The following BANP variants were observed in gnomAD, a reference collection of about 807,000 sequenced individuals.
BANP encodes the protein BTG3 associated nuclear protein, also known as protein BANP.
BANP carries 11 observed loss-of-function variants against 68.1 expected under a neutral mutation model. The ratio of observed to expected loss-of-function variants is 0.16; its 90% CI spans 0.10 to 0.27. The LOEUF (loss-of-function observed/expected upper bound fraction) is 0.27, where lower values mean the gene tolerates loss of function less well. Among genes scored for constraint, BANP ranks in the 10% least tolerant of loss-of-function variants. BANP has a pLI of 1.00. For missense variants in BANP, 504 were observed against 722.7 expected, an observed-to-expected ratio of 0.70 and a Z score of 3.47; for synonymous variants, 329 against 303.2, an observed-to-expected ratio of 1.09 and a Z score of -0.88.
chr16:87,977,630 T>C (rs2062428282), intron 2 of BANP, among the ~76,000 whole-genome samples: 1 of 152,298 alleles, frequency 6.6e-6, no homozygotes, highest in Non-Finnish European at 1.5e-5. Flanking sequence ...GTAGAAGAAA[T>C]AAAAATTTCC....
rs1158952947 is a variant in BANP at position 88,057,640 on chromosome 16, A to G, written c.1312-7627A>G. Among the ~76,000 whole-genome samples, 4 of 150,640 alleles carry G rather than the reference A, an allele frequency of 2.7e-5. No individual in the cohort carries two copies. Among genetic ancestry groups the G allele is most frequent in the Non-Finnish European group, 4.4e-5 (3 of 67,768 alleles). The stretch of plus-strand genomic sequence containing the variant: ...TGGAAGAATGTTCTTCACACCCTTC[A>G]TGTTGGCAATGTTTGGGTCCTGGTT... On this transcript the variant is annotated intron_variant, in intron 11 of 13. Transcript: ENST00000682872. This position sits in a 1 kb window ranked among gnomAD's most constrained non-coding sequence, Gnocchi z 4.6.
At chr16:88,005,117 C>T (rs561533401) in intron 5 of BANP, among the ~76,000 whole-genome samples, 1 of 152,322 alleles carries the variant, frequency 6.6e-6, no homozygotes, top group South Asian at 2.1e-4. Context: ...ATTGTCTTAG[C>T]TCAGTTCTCC....
At chr16:88,024,935 C>A (rs1271557965) in intron 7 of BANP, among the ~76,000 whole-genome samples, 1 of 152,166 alleles carries the variant, frequency 6.6e-6, no homozygotes, top group Non-Finnish European at 1.5e-5. Flanking sequence ...TACCTATACA[C>A]CTGGGTGTTT....
At chr16:88,051,862 T>G (rs2083336997) in intron 11 of BANP, among the ~76,000 whole-genome samples, 1 of 152,224 alleles carries the variant, frequency 6.6e-6, no homozygotes, top group East Asian at 1.9e-4. Context: ...ATTTAAAAAA[T>G]CCAGATTTAT....
intron 4 of BANP, among the ~76,000 whole-genome samples, chr16:87,999,379 T>C (rs1349210455): frequency 7.4e-6 from 1 of 134,650 alleles, no homozygotes; most frequent in African/African-American, 2.8e-5. Flanking sequence ...CACGTCTCCA[T>C]GCACGCACGT....
At chr16:88,040,116 C>A (rs117554332) in intron 11 of BANP, among the ~76,000 whole-genome samples, 1 of 152,106 alleles carries the variant, frequency 6.6e-6, no homozygotes, top group East Asian at 1.9e-4. Flanking sequence ...GGGTAGCGGG[C>A]GGAATCTTGG....
intron 13 of BANP, among the ~76,000 whole-genome samples, chr16:88,074,961 T>C (rs1396863239): frequency 2.0e-5 from 3 of 152,158 alleles, no homozygotes; most frequent in African/African-American, 4.8e-5. Context: ...CCCAGTGCTT[T>C]GTGAGGCCGA....
chr16:87,969,113 T>C (rs947180523), intron 1 of BANP, among the ~76,000 whole-genome samples: 2 of 152,202 alleles, frequency 1.3e-5, no homozygotes, highest in African/African-American at 4.8e-5. Flanking sequence ...TCCTGCACCT[T>C]GGGAGCCGCT....
intron 1 of BANP, among the ~76,000 whole-genome samples, chr16:87,953,731 T>G (rs1018390038): frequency 1.3e-5 from 2 of 152,222 alleles, no homozygotes; most frequent in Non-Finnish European, 2.9e-5. Context: ...CTCCTTACAT[T>G]GTTTTAAATT....
In BANP at chr16:88,057,138, G is replaced by C. The variant is rs186182607; in HGVS notation, c.1312-8129G>C. 3.9e-3 allele frequency among the ~76,000 whole-genome samples: 599 copies of C among 152,286 alleles called. 3 individuals are homozygous for C. Among genetic ancestry groups the C allele is most frequent in the African/African-American group, 0.013 (554 of 41,550 alleles). ...CTGAGACTTTTCTGTTGCCGTTGTT[G>C]AGCTGTGTCTGCCTTTTCTGGTGGG... On this transcript the variant is annotated intron_variant, in intron 11 of 13. Coordinates refer to ENST00000682872, the MANE Select transcript of BANP (RefSeq NM_001386991.1). This position sits in a 1 kb window ranked among gnomAD's most constrained non-coding sequence, Gnocchi z 4.6.
intron 6 of BANP, among the ~76,000 whole-genome samples, chr16:88,008,227 A>G (rs906637903): frequency 6.6e-6 from 1 of 152,102 alleles, no homozygotes; most frequent in African/African-American, 2.4e-5. Context: ...TCATCAGTTG[A>G]TGGGCATCTG....
intron 7 of BANP, among the ~76,000 whole-genome samples, chr16:88,022,110 G>C (rs2076141524): frequency 6.6e-6 from 1 of 152,196 alleles, no homozygotes; most frequent in Admixed American, 6.5e-5. Context: ...TGCAAAAGTA[G>C]CATATTATTG....
In BANP at chr16:88,033,140, C is replaced by T. The variant is rs368146207; in HGVS notation, c.1095C>T (p.Ser365=). The T allele has an allele frequency of 5.5e-5, 88 of 1,608,512 alleles. 1 individual carries two copies. In the Middle Eastern group the frequency reaches 6.6e-4, roughly 12 times the overall value. The change falls in exon 9 of 14, where the codon AGC becomes AGT. Residue 365 remains serine, a synonymous_variant. Coordinates refer to ENST00000682872, the MANE Select transcript of BANP (RefSeq NM_001386991.1). ...TGATGAGCACCCCACCTCCTGCCAGCGAGCTCCCGCAGCCACAGCCGCAGC... is the reference window on the plus strand; with the variant it reads ...TGATGAGCACCCCACCTCCTGCCAGTGAGCTCCCGCAGCCACAGCCGCAGC... The part of the protein sequence containing the change: ...EPMMSTPPPA[S]ELPQPQPQPQ...
chr16:88,001,566 A>G (rs1217419538), intron 4 of BANP, among the ~76,000 whole-genome samples: 2 of 152,246 alleles, frequency 1.3e-5, no homozygotes, highest in East Asian at 3.8e-4. Context: ...GTTGATTTAA[A>G]TCGCGTTAGT....
chr16:88,012,894 C>CT lies in BANP; in HGVS notation c.656-5534_656-5533insT, dbSNP rs1479394319. 1.2e-3 allele frequency among the ~76,000 whole-genome samples: 187 copies of CT among 152,268 alleles called. 1 individual carries two copies. Among genetic ancestry groups the CT allele is most frequent in the African/African-American group, 4.5e-3 (185 of 41,560 alleles). On this transcript the variant is annotated intron_variant, in intron 6 of 13. Coordinates refer to ENST00000682872, the MANE Select transcript of BANP (RefSeq NM_001386991.1). ...AACTATTCACTGTGGTCTGACAGTA[C>CT]AAATTCCAGGCTGGGATTTTTAAAT... is the stretch of plus-strand genomic sequence containing the variant.
intron 4 of BANP, among the ~76,000 whole-genome samples, chr16:87,997,422 A>G (rs1014111755): frequency 1.3e-5 from 2 of 152,302 alleles, no homozygotes; most frequent in Non-Finnish European, 2.9e-5. Context: ...TCTGTCACCA[A>G]TAAATGGTGA....
At chr16:88,032,676 C>G (rs1477236070) in intron 8 of BANP, among the ~76,000 whole-genome samples, 4 of 152,164 alleles carry the variant, frequency 2.6e-5, no homozygotes, top group African/African-American at 4.8e-5. Flanking sequence ...TACATCAAAG[C>G]AAATGTATCT....
rs189866480 is a variant in BANP at position 87,976,661 on chromosome 16, A to G, written c.70+1476A>G. On this transcript the variant is annotated intron_variant, in intron 2 of 13. Transcript: ENST00000682872. ...AGAATTTTCAGAAATCTCCTAAGAA[A>G]GTCTGATGTCCGTTCATATGATCTG... Among the ~76,000 whole-genome samples the G allele has an allele frequency of 9.2e-5, 14 of 152,240 alleles. 1 individual carries two copies. In the East Asian group the frequency reaches 2.7e-3, roughly 29 times the overall value.
intron 4 of BANP, among the ~76,000 whole-genome samples, chr16:87,994,282 G>A (rs2152508876): frequency 6.6e-6 from 1 of 152,324 alleles, no homozygotes; most frequent in South Asian, 2.1e-4. Context: ...TAGCTTCTAG[G>A]AAAGAAGAAG....
Sources: gnomAD v4.1 joint callset for allele counts (sites outside exome capture counted in the v4.1 genomes callset) on GRCh38, gnomAD v4.1.1 for gene constraint, Gnocchi (gnomAD v3.1) non-coding constraint, MANE v1.5 for transcripts, NCBI Gene and HGNC (gene_info 2026-07-23, HGNC 2026-07-21) for gene names.